LPA: variants seen among roughly 807,000 people sequenced by gnomAD.
LPA encodes lipoprotein(a).
LPA carries 199 observed loss-of-function variants against 197.9 expected under a neutral mutation model. The ratio of observed to expected loss-of-function variants is 1.01; its 90% confidence interval spans 0.90 to 1.13. The LOEUF (loss-of-function observed/expected upper bound fraction) is 1.13, where lower values mean the gene tolerates loss of function less well. Ranked by LOEUF, LPA falls within the 50% of genes most tolerant of loss-of-function variation. The pLI, the probability that LPA is intolerant of heterozygous loss-of-function variation, is 0.00. For synonymous variants in LPA, 715 were observed against 639.5 expected (o/e 1.12, Z -1.78); for missense variants, 1,853 against 1,785.8 (o/e 1.04, Z -0.68).
rs369504110 is a variant in LPA, at chr6:160,593,937, G to C, written c.3629+21C>G. On this transcript the variant is annotated intron_variant, in intron 22 of 38. Transcript: ENST00000316300. ...TGTAAGGGGGCTGCTGTCTGTCTTTGAAGAAAACTCAAGGTTGTACCCATT... is the reference window on the plus strand; with the variant it reads ...TGTAAGGGGGCTGCTGTCTGTCTTTCAAGAAAACTCAAGGTTGTACCCATT... The C allele has an allele frequency of 6.4e-5, 103 of 1,612,834 alleles. No homozygotes were observed. The African/African-American group carries it at 1.2e-3, about 19-fold the overall frequency.
At chr6:160,552,734 T>TA (rs1162084787) in intron 30 of LPA, among the ~76,000 whole-genome samples, 5 of 152,210 alleles carry the variant, frequency 3.3e-5, no homozygotes, top group Admixed American at 2.6e-4. Context: ...TCTTTACACT[T>TA]AAAGAGTATT....
chr6:160,643,083 A>AATTTGTGTGT (rs1332336973), intron 4 of LPA, among the ~76,000 whole-genome samples: 191 of 130,914 alleles, frequency 1.5e-3, no homozygotes, highest in African/African-American at 2.6e-3. Context: ...GTGTGTTTTC[A>AATTTGTGTGT]GTGTGTGTGT....
intron 28 of LPA, among the ~76,000 whole-genome samples, chr6:160,558,398 A>C (rs1482615858): frequency 6.6e-6 from 1 of 152,198 alleles, no homozygotes; most frequent in African/African-American, 2.4e-5. Flanking sequence ...GTGTAGCTAA[A>C]AGGCTCTACT....
intron 16 of LPA, among the ~76,000 whole-genome samples, chr6:160,607,714 A>C (rs1355509358): frequency 6.6e-6 from 1 of 152,082 alleles, no homozygotes; most frequent in East Asian, 1.9e-4. Flanking sequence ...GAGACTCTAT[A>C]CATGTGGCCT....
rs1562331209 is a variant in LPA at position 160,584,224 on chromosome 6, CTT to C, written c.4289+820_4289+821del. ...TCTTCTTCTTCTTCTTCTTCTTCTT[CTT>C]CTTCTTCTTCTTCCTCCTCCTCCTC... On this transcript the variant is annotated intron_variant, in intron 26 of 38. Coordinates refer to ENST00000316300, the MANE Select transcript of LPA (RefSeq NM_005577.4). Among the ~76,000 whole-genome samples, 259 of 110,182 alleles carry C rather than the reference CTT, an allele frequency of 2.4e-3. 1 individual carries two copies. Among genetic ancestry groups the C allele is most frequent in the East Asian group, 5.5e-3 (10 of 1,808 alleles). The allele number at this position is 110,182 out of a possible 152,430, so 72.3% of individuals were successfully genotyped here.
intron 14 of LPA, among the ~76,000 whole-genome samples, chr6:160,613,488 T>TCC (rs1320750896): frequency 2.2e-5 from 1 of 45,990 alleles, no homozygotes; most frequent in East Asian, 4.1e-4. Flanking sequence ...GATTGTGTAT[T>TCC]CACATGCAAA....
chr6:160,651,999 A>C (rs1780014060), intron 1 of LPA, among the ~76,000 whole-genome samples: 1 of 141,882 alleles, frequency 7.0e-6, no homozygotes, highest in African/African-American at 2.6e-5. Context: ...ACACAGATAC[A>C]AAAAAAGAGT....
At chr6:160,548,732 T>G in intron 30 of LPA, 73 bp from the exon 31 acceptor site, 1 of 1,515,184 alleles carries the variant, frequency 6.6e-7, no homozygotes, top group Non-Finnish European at 9.2e-7. Context: ...CCTCTACATT[T>G]TGTTCTAACA....
At chr6:160,578,151 G>GA (rs1282620668) in intron 27 of LPA, among the ~76,000 whole-genome samples, 5 of 152,110 alleles carry the variant, frequency 3.3e-5, no homozygotes, top group African/African-American at 4.8e-5. Context: ...AGATTGCAAT[G>GA]AAAAAAGTCT....
intron 28 of LPA, among the ~76,000 whole-genome samples, chr6:160,561,737 T>A (rs1006225131): frequency 1.3e-5 from 2 of 152,212 alleles, no homozygotes; most frequent in African/African-American, 4.8e-5. Flanking sequence ...GTGTCCTATC[T>A]TATTTCCTTG....
chr6:160,609,725 T>C (rs1285295645), intron 16 of LPA, among the ~76,000 whole-genome samples: 1 of 151,972 alleles, frequency 6.6e-6, no homozygotes, highest in African/African-American at 2.4e-5. Flanking sequence ...TGAGGGTCGG[T>C]TAATTTTATA....
At chr6:160,572,951 G>T (rs772867362) in intron 28 of LPA, among the ~76,000 whole-genome samples, 14 of 152,072 alleles carry the variant, frequency 9.2e-5, no homozygotes, top group Admixed American at 2.6e-4. Context: ...CATGTTCTTT[G>T]TGTTTCTTGT....
intron 24 of LPA, among the ~76,000 whole-genome samples, chr6:160,587,265 A>T (rs41272094): frequency 0.015 from 2,256 of 152,300 alleles, 57 homozygotes; most frequent in African/African-American, 0.052. Flanking sequence ...TTGGCCAATC[A>T]TATAGACTTT....
chr6:160,663,027 G>C (rs574084979), intron 1 of LPA, among the ~76,000 whole-genome samples: 1 of 152,286 alleles, frequency 6.6e-6, no homozygotes, highest in African/African-American at 2.4e-5. Flanking sequence ...TCAACTACCT[G>C]GTGGATAAGG....
At chr6:160,648,294 C>A (rs763590695) in intron 2 of LPA, among the ~76,000 whole-genome samples, 1 of 152,158 alleles carries the variant, frequency 6.6e-6, no homozygotes, top group Non-Finnish European at 1.5e-5. Context: ...TGCCCTCTGA[C>A]AGTTGAACTG....
chr6:160,583,017 C>G (rs1048204238), intron 26 of LPA, among the ~76,000 whole-genome samples: 2 of 151,488 alleles, frequency 1.3e-5, no homozygotes, highest in Non-Finnish European at 2.9e-5. Context: ...TTTTTCAGTT[C>G]TTGACTCTCC....
intron 24 of LPA, 52 bp downstream of exon 24, chr6:160,589,501 G>A: frequency 6.2e-7 from 1 of 1,604,506 alleles, no homozygotes; most frequent in Non-Finnish European, 8.5e-7. Flanking sequence ...GCTCTTCCAG[G>A]AGAAATTTAA....
At chr6:160,596,683 T>A (rs1243943628) in intron 20 of LPA, among the ~76,000 whole-genome samples, 4 of 152,146 alleles carry the variant, frequency 2.6e-5, no homozygotes, top group Non-Finnish European at 4.4e-5. Flanking sequence ...ATCTTACTTT[T>A]CACGTAGCAA....
chr6:160,540,308 CA>C (rs990797544), intron 35 of LPA, 125 bp from the exon 36 acceptor site: 3 of 1,036,172 alleles, frequency 2.9e-6, no homozygotes, highest in Non-Finnish European at 4.5e-6. Context: ...TTATGAGTGG[CA>C]AGAAACAAAA....
Sources: allele counts gnomAD v4.1 joint callset (sites outside exome capture counted in the v4.1 genomes callset), GRCh38; gene constraint gnomAD v4.1.1; transcripts MANE v1.5; gene names NCBI Gene and HGNC (gene_info 2026-07-23, HGNC 2026-07-21).